NCKAP5: variants seen among roughly 807,000 people sequenced by gnomAD.
NCKAP5 encodes nck-associated protein 5.
In NCKAP5, 92 loss-of-function variants were observed where a neutral mutation model predicts 167.0. The observed-to-expected ratio is 0.55, with a 90% CI of 0.47 to 0.66. NCKAP5 has a LOEUF of 0.66. NCKAP5 is among the 30% of genes least tolerant of loss of function. The probability of loss-of-function intolerance (pLI) is 0.00; values close to 1 mark genes in which losing one functional copy is unlikely to be tolerated. For missense variants in NCKAP5, 2,378 were observed against 2,315.0 expected (o/e 1.03, Z -0.56); for synonymous variants, 891 against 877.4 (o/e 1.02, Z -0.27).
intron 19 of NCKAP5, among the ~76,000 whole-genome samples, chr2:132,677,068 A>T (rs1158493414): frequency 2.0e-5 from 3 of 152,200 alleles, no homozygotes; most frequent in Admixed American, 6.5e-5. Context: ...CCCGGTGAAG[A>T]TTAGTGTTTG....
At chr2:133,457,778 G>A (rs1487380611) in intron 3 of NCKAP5, among the ~76,000 whole-genome samples, 1 of 152,130 alleles carries the variant, frequency 6.6e-6, no homozygotes, top group Non-Finnish European at 1.5e-5. Flanking sequence ...TTTAGAATTA[G>A]TGAGTAAATC....
the NCKAP5 span, among the ~76,000 whole-genome samples, chr2:133,596,551 C>G: frequency 2.7e-3 from 414 of 152,268 alleles, 4 homozygotes; most frequent in African/African-American, 9.2e-3. Flanking sequence ...ACTGTGATCA[C>G]TGGATGTGGG....
chr2:133,366,370 T>G (rs1685457042), intron 3 of NCKAP5, among the ~76,000 whole-genome samples: 1 of 152,328 alleles, frequency 6.6e-6, no homozygotes, highest in African/African-American at 2.4e-5. Flanking sequence ...TGGTGCAATC[T>G]TGGCTCACTG....
intron 3 of NCKAP5, among the ~76,000 whole-genome samples, chr2:133,316,302 G>C (rs1255217567): frequency 6.6e-6 from 1 of 152,142 alleles, no homozygotes; most frequent in Non-Finnish European, 1.5e-5. Context: ...ATGAGATTGG[G>C]GACAAGGTGA....
chr2:132,830,839 T>A (rs1034314144), intron 11 of NCKAP5, among the ~76,000 whole-genome samples: 1 of 152,194 alleles, frequency 6.6e-6, no homozygotes, highest in Non-Finnish European at 1.5e-5. Flanking sequence ...ATTCTTATAA[T>A]AAAATATCAG....
intron 3 of NCKAP5, among the ~76,000 whole-genome samples, chr2:133,411,288 A>G (rs1420036583): frequency 6.6e-6 from 1 of 152,142 alleles, no homozygotes; most frequent in Admixed American, 6.5e-5. Flanking sequence ...TGGGTGTGGG[A>G]CAGAGAAACA....
chr2:132,934,200 G>A (rs569668837), intron 8 of NCKAP5, among the ~76,000 whole-genome samples: 20 of 152,312 alleles, frequency 1.3e-4, no homozygotes, highest in Non-Finnish European at 2.4e-4. Flanking sequence ...AAATAGATAC[G>A]TGTGCAGCCA....
intron 3 of NCKAP5, among the ~76,000 whole-genome samples, chr2:133,503,730 A>G (rs1162780537): frequency 6.6e-6 from 1 of 152,166 alleles, no homozygotes; most frequent in African/African-American, 2.4e-5. Context: ...TTATACTAAG[A>G]CTCATCCTAC....
At chr2:133,265,237 C>A (rs1027049770) in intron 4 of NCKAP5, 1 of 152,224 alleles carries the variant, frequency 6.6e-6, no homozygotes, top group African/African-American at 2.4e-5. Flanking sequence ...TCCAGCAACA[C>A]GGGCCTCATT....
chr2:133,547,818 C>T (rs1307967043), intron 2 of NCKAP5, among the ~76,000 whole-genome samples: 3 of 147,656 alleles, frequency 2.0e-5, no homozygotes, highest in Non-Finnish European at 3.0e-5. Flanking sequence ...AAACGCAGAG[C>T]GCCTCTCCTC....
At chr2:133,363,259 G>T (rs1685242162) in intron 3 of NCKAP5, among the ~76,000 whole-genome samples, 1 of 152,088 alleles carries the variant, frequency 6.6e-6, no homozygotes, top group Non-Finnish European at 1.5e-5. Flanking sequence ...CTAGTTCGGT[G>T]GTCCCACAAA....
chr2:133,213,344 A>G (rs2086288015), intron 5 of NCKAP5, among the ~76,000 whole-genome samples: 1 of 152,230 alleles, frequency 6.6e-6, no homozygotes, highest in African/African-American at 2.4e-5. Flanking sequence ...TTCTTTTTTC[A>G]GAACACTAAG....
chr2:132,979,243 C>T (rs1188020865), intron 7 of NCKAP5, among the ~76,000 whole-genome samples: 3 of 152,016 alleles, frequency 2.0e-5, no homozygotes, highest in Admixed American at 6.6e-5. Context: ...AGAGTCCTGT[C>T]TTTTTTTTCA....
intron 3 of NCKAP5, among the ~76,000 whole-genome samples, chr2:133,385,903 T>G (rs1177343871): frequency 6.6e-6 from 1 of 152,246 alleles, no homozygotes; most frequent in East Asian, 1.9e-4. Context: ...ATCCCCTTTA[T>G]CATTTTTATT....
chr2:133,251,507 A>G (rs1342973115), intron 4 of NCKAP5, among the ~76,000 whole-genome samples: 2 of 152,192 alleles, frequency 1.3e-5, no homozygotes, highest in Non-Finnish European at 2.9e-5. Flanking sequence ...GTTAAGGAGG[A>G]TGACAACACT....
At chr2:132,871,618 C>T (rs1430658481) in intron 9 of NCKAP5, among the ~76,000 whole-genome samples, 2 of 152,150 alleles carry the variant, frequency 1.3e-5, no homozygotes, top group East Asian at 3.9e-4. Flanking sequence ...TATGTTATAT[C>T]TCACAATCCA....
At chr2:133,248,540 T>A (rs1484109652) in intron 4 of NCKAP5, among the ~76,000 whole-genome samples, 1 of 152,200 alleles carries the variant, frequency 6.6e-6, no homozygotes, top group Non-Finnish European at 1.5e-5. Context: ...AAAGGCAGCA[T>A]TGGTGCCAGG....
At position 132,782,603 on chromosome 2, in the gene NCKAP5, A is replaced by G. The variant is rs2278752; in HGVS notation, c.4208T>C (p.Val1403Ala). Residue 1403 changes from valine (V) to alanine (A), a missense_variant, in exon 14 of 20, where the codon GTA becomes GCA. Physicochemically the swap from Val to Ala is moderately conservative, Grantham distance 64 (BLOSUM62 0). Around this residue, in one of 3 missense-constraint regions of NCKAP5, gnomAD observed 1,325 missense variants for 1,274.5 expected, o/e 1.04. Transcript: ENST00000409261. ...QGECPSANVA[V>A]LGEPGSDRRS... ...GCGGTCACTGCCTGGTTCCCCAAGT[A>G]CAGCCACATTGGCACTGGGGCACTC... is the stretch of plus-strand genomic sequence containing the variant. 0.019 allele frequency: 30,400 copies of G among 1,590,960 alleles called. 1,078 individuals carry two copies. The highest frequency in any genetic ancestry group is 0.12 in the African/African-American group (9,169 of 74,646).
rs965470653 is a variant in NCKAP5, at chr2:133,328,107, A to T, written c.70-24997T>A. Among the ~76,000 whole-genome samples the T allele has an allele frequency of 5.9e-5, 9 of 152,296 alleles. 1 individual carries two copies. Among genetic ancestry groups the T allele is most frequent in the Admixed American group, 5.9e-4 (9 of 15,300 alleles). On this transcript the variant is annotated intron_variant, in intron 3 of 19. Coordinates refer to ENST00000409261, the MANE Select transcript of NCKAP5 (RefSeq NM_207363.3). ...CCCAAGTTACCCGATTGGTAGAACC[A>T]AGATTTGAAAAAATGTTCCTCTGCC...
Sources: allele counts gnomAD v4.1 joint callset (sites outside exome capture counted in the v4.1 genomes callset), GRCh38; gene constraint gnomAD v4.1.1; regional missense constraint gnomAD v4.1.1; transcripts MANE v1.5; gene names NCBI Gene and HGNC (gene_info 2026-07-23, HGNC 2026-07-21).